TEX15: variants seen among roughly 807,000 people sequenced by gnomAD.
TEX15 encodes testis-expressed protein 15.
Under a neutral mutation model 237.3 loss-of-function variants are expected in TEX15, and 171 were observed. The ratio of observed to expected loss-of-function variants is 0.72; its 90% CI spans 0.64 to 0.82. The LOEUF (loss-of-function observed/expected upper bound fraction) is 0.82. Among genes scored for constraint, TEX15 ranks in the 40% least tolerant of loss-of-function variants. The pLI is 0.00. For synonymous variants in TEX15, 1,338 were observed against 1,269.8 expected (o/e 1.05, Z -1.14); for missense variants, 3,750 against 3,646.5 (o/e 1.03, Z -0.73).
Position 30,847,976 on chromosome 8 carries a change from A to C in TEX15, c.2191T>G (p.Tyr731Asp), listed in dbSNP as rs776335947. 5 of 1,613,744 alleles carry C rather than the reference A, an allele frequency of 3.1e-6. No homozygotes were observed. The highest frequency in any genetic ancestry group is 4.2e-6 in the Non-Finnish European group (5 of 1,179,878). ...SQKHPQHSVE[Y>D]EGNIHTSLAI... ...AAACTTGTATGAATGTTACCCTCAT[A>C]CTCCACAGAGTGCTGAGGATGCTTT... Residue 731 changes from tyrosine to aspartate, a missense_variant, in exon 8 of 11, where the codon TAT becomes GAT. By Grantham distance (160) the Tyr-to-Asp change is radical. Transcript: ENST00000643185.
intron 7 of TEX15, among the ~76,000 whole-genome samples, chr8:30,854,247 A>G (rs1416848412): frequency 2.0e-5 from 3 of 150,412 alleles, no homozygotes; most frequent in Non-Finnish European, 4.4e-5. Flanking sequence ...AAACCTTTTT[A>G]ACCTGACTGA....
chr8:30,909,531 C>A (rs1809176777), intron 1 of TEX15, among the ~76,000 whole-genome samples: 1 of 151,922 alleles, frequency 6.6e-6, no homozygotes, highest in South Asian at 2.1e-4. Context: ...CGGGGACTAT[C>A]CTAATAAGCA....
In TEX15 at chr8:30,838,082, A is replaced by C. The variant is rs200404620; in HGVS notation, c.8223-21T>G. The C allele has an allele frequency of 3.3e-4, 512 of 1,547,800 alleles. 2 individuals are homozygous for C. The highest frequency in any genetic ancestry group is 1.4e-5 in the Non-Finnish European group (16 of 1,153,460). On this transcript the variant is annotated intron_variant, in intron 9 of 10. Coordinates refer to ENST00000643185, the MANE Select transcript of TEX15 (RefSeq NM_001350162.2). ...TAGTCCTATTAGGTGCAACACATAC[A>C]TAAAAATGAATTTAAATATATAGGG...
chr8:30,868,395 A>T (rs1425280406), intron 4 of TEX15, among the ~76,000 whole-genome samples: 1 of 152,022 alleles, frequency 6.6e-6, no homozygotes, highest in Non-Finnish European at 1.5e-5. Flanking sequence ...CTAGGGTCCA[A>T]ATGATTATCT....
intron 2 of TEX15, among the ~76,000 whole-genome samples, chr8:30,893,971 A>G (rs952327965): frequency 6.6e-6 from 1 of 152,020 alleles, no homozygotes; most frequent in Non-Finnish European, 1.5e-5. Context: ...ACCCTTCTTC[A>G]TATCTAAAAA....
intron 4 of TEX15, among the ~76,000 whole-genome samples, chr8:30,873,984 A>G (rs745488499): frequency 1.3e-5 from 2 of 152,166 alleles, no homozygotes; most frequent in Non-Finnish European, 2.9e-5. Context: ...CAAAAATTTT[A>G]ATGTCCAAAA....
Position 30,843,753 on chromosome 8 carries a change from T to C in TEX15, c.6414A>G (p.Ala2138=). Residue 2138 remains alanine, a synonymous_variant, in exon 8 of 11, where the codon GCA becomes GCG. Transcript: ENST00000643185. The part of the protein sequence containing the change: ...PGFQGRLKYN[A]FCELQTYHDQ... ...CATGGTAAGTCTGTAACTCACAGAA[T>C]GCATTATATTTTAATCTTCCTTGGA... The C allele has an allele frequency of 6.2e-7, 1 of 1,613,334 alleles. No individual in the cohort carries two copies. The highest frequency in any genetic ancestry group is 8.5e-7 in the Non-Finnish European group (1 of 1,179,648).
At chr8:30,856,901 T>C (rs1807923763) in intron 7 of TEX15, among the ~76,000 whole-genome samples, 1 of 151,852 alleles carries the variant, frequency 6.6e-6, no homozygotes, top group African/African-American at 2.4e-5. Context: ...TCTGATAGAT[T>C]TGTTGGCAGA....
intron 2 of TEX15, among the ~76,000 whole-genome samples, chr8:30,890,357 CT>C (rs970153132): frequency 1.3e-5 from 2 of 151,788 alleles, no homozygotes; most frequent in African/African-American, 4.8e-5. Context: ...ATGAATAATC[CT>C]GTTATTATTA....
At position 30,846,018 on chromosome 8, in the gene TEX15, TG is replaced by T. The variant is rs1271998808; in HGVS notation, c.4148del (p.Ala1383GlufsTer5). 50 of 1,613,260 alleles carry T rather than the reference TG, an allele frequency of 3.1e-5. No individual in the cohort carries two copies. Among genetic ancestry groups the T allele is most frequent in the Non-Finnish European group, 4.2e-5 (49 of 1,179,556 alleles). ...SKCLSRKLDK[A>X]VVHLKKAHRR... ...TATGAGCTTTTTTTAAGTGAACAAC[TG>T]CTTTGTCTAGTTTTCTGGAAAGACA... On this transcript the variant is annotated frameshift_variant, in exon 8 of 11. Coordinates refer to ENST00000643185, the MANE Select transcript of TEX15 (RefSeq NM_001350162.2). LOFTEE classifies it high-confidence loss of function.
At chr8:30,858,432 C>T (rs1168173169) in intron 7 of TEX15, among the ~76,000 whole-genome samples, 2 of 152,030 alleles carry the variant, frequency 1.3e-5, no homozygotes, top group African/African-American at 4.8e-5. Flanking sequence ...CTTCCTCAGC[C>T]ACCTGTGTAG....
At chr8:30,881,197 G>T (rs1475010393) in intron 3 of TEX15, among the ~76,000 whole-genome samples, 1 of 152,154 alleles carries the variant, frequency 6.6e-6, no homozygotes, top group African/African-American at 2.4e-5. Flanking sequence ...ACAATGGTCT[G>T]TGGGGTGTTT....
intron 10 of TEX15, among the ~76,000 whole-genome samples, chr8:30,835,855 T>G (rs527361448): frequency 6.6e-6 from 1 of 152,328 alleles, no homozygotes; most frequent in South Asian, 2.1e-4. Flanking sequence ...ACCAATACAT[T>G]TTAATTAACT....
chr8:30,908,768 C>G (rs922396679), intron 1 of TEX15, among the ~76,000 whole-genome samples: 1 of 152,162 alleles, frequency 6.6e-6, no homozygotes, highest in African/African-American at 2.4e-5. Flanking sequence ...AGAGGGGTGT[C>G]TCACATGCTT....
chr8:30,879,304 T>C (rs1029919736), intron 3 of TEX15, among the ~76,000 whole-genome samples: 1 of 152,234 alleles, frequency 6.6e-6, no homozygotes, highest in Admixed American at 6.5e-5. Context: ...GAATTTCTTC[T>C]TTCTTTTATA....
intron 4 of TEX15, 26 bp downstream of exon 4, chr8:30,874,911 A>G (rs1808369985): frequency 2.4e-6 from 3 of 1,247,182 alleles, no homozygotes; most frequent in Non-Finnish European, 1.0e-6. Flanking sequence ...CAAAATCTCA[A>G]ACACGTTTAG....
At chr8:30,879,936 T>C (rs1585304960) in intron 3 of TEX15, among the ~76,000 whole-genome samples, 1 of 137,834 alleles carries the variant, frequency 7.3e-6, no homozygotes, top group Middle Eastern at 3.5e-3. Flanking sequence ...CCTTTTTTTT[T>C]TTAAAAAAAA....
intron 3 of TEX15, among the ~76,000 whole-genome samples, chr8:30,880,290 A>G (rs1277320909): frequency 6.6e-6 from 1 of 152,188 alleles, no homozygotes; most frequent in Non-Finnish European, 1.5e-5. Flanking sequence ...TCAGCCTCCC[A>G]AAGTGCTGGG....
intron 10 of TEX15, among the ~76,000 whole-genome samples, chr8:30,836,413 T>A (rs1205478822): frequency 6.6e-6 from 1 of 151,732 alleles, no homozygotes; most frequent in East Asian, 1.9e-4. Context: ...GGGGTTTCAC[T>A]ATGTTGGCCA....
Sources: gnomAD v4.1 joint callset for allele counts (sites outside exome capture counted in the v4.1 genomes callset) on GRCh38, gnomAD v4.1.1 for gene constraint, MANE v1.5 for transcripts, NCBI Gene and HGNC (gene_info 2026-07-23, HGNC 2026-07-21) for gene names.